RYR3: variants seen among roughly 807,000 people sequenced by gnomAD.
The protein encoded by RYR3 is ryanodine receptor 3.
A neutral mutation model predicts 584.3 loss-of-function variants in RYR3; 207 were observed. The ratio of observed to expected loss-of-function variants is 0.35; its 90% CI spans 0.32 to 0.40. The LOEUF (loss-of-function observed/expected upper bound fraction) is 0.40, where lower values mean the gene tolerates loss of function less well. RYR3 is among the 10% of genes least tolerant of loss of function. The pLI is 1.00. For synonymous variants in RYR3, 2,416 were observed against 2,248.5 expected, an observed-to-expected ratio of 1.07 and a Z score of -2.11; for missense variants, 5,616 against 6,089.2, an observed-to-expected ratio of 0.92 and a Z score of 2.59.
At chr15:33,619,887 G>A (rs993594016) in intron 19 of RYR3, among the ~76,000 whole-genome samples, 13 of 152,144 alleles carry the variant, frequency 8.5e-5, no homozygotes, top group African/African-American at 3.1e-4. Flanking sequence ...CAGTTGTACA[G>A]TTGCTGCCTC....
chr15:33,803,847 A>G (rs1191591720), intron 69 of RYR3, among the ~76,000 whole-genome samples: 1 of 152,236 alleles, frequency 6.6e-6, no homozygotes, highest in Non-Finnish European at 1.5e-5. Context: ...TCAATGGCTT[A>G]GGACTGAACC....
intron 69 of RYR3, 114 bp downstream of exon 69, chr15:33,802,075 A>G (rs759297049): frequency 6.3e-6 from 5 of 789,200 alleles, no homozygotes; most frequent in South Asian, 1.3e-5. Flanking sequence ...GTCAAACTAC[A>G]TGACCAACAG....
At chr15:33,714,691 A>G (rs1331544204) in intron 43 of RYR3, among the ~76,000 whole-genome samples, 2 of 152,240 alleles carry the variant, frequency 1.3e-5, no homozygotes, top group African/African-American at 2.4e-5. Context: ...AACTTAGTTT[A>G]AGGAACATAA....
Position 33,861,079 on chromosome 15 carries a change from C to G in RYR3, c.14366C>G (p.Thr4789Ser), listed in dbSNP as rs1317074809. The change falls in exon 102 of 104, where the codon ACT becomes AGT. Residue 4789 changes from threonine (T) to serine (S), a missense_variant and splice_region_variant. By Grantham distance (58) the Thr-to-Ser change is moderately conservative. Around this residue, in one of 9 missense-constraint regions of RYR3, gnomAD observed 918 missense variants for 887.4 expected, o/e 1.03. Coordinates refer to ENST00000634891, the MANE Select transcript of RYR3 (RefSeq NM_001036.6). ...TTTTCTGCCTGTTATTTTTCTTAGA[C>G]TAAATGTTTCATCTGTGGGATTGGC... ...QQEQVREDME[T>S]KCFICGIGND... is the part of the protein sequence containing the mutation. 1 of 1,580,448 alleles carries G rather than the reference C, an allele frequency of 6.3e-7. No homozygotes were observed. The highest frequency in any genetic ancestry group is 1.3e-5 in the African/African-American group (1 of 74,526).
At chr15:33,696,799 A>G (rs1269307627) in intron 39 of RYR3, among the ~76,000 whole-genome samples, 1 of 152,198 alleles carries the variant, frequency 6.6e-6, no homozygotes, top group Admixed American at 6.5e-5. Context: ...AACCCAAGAC[A>G]GAAATGATCT....
intron 31 of RYR3, among the ~76,000 whole-genome samples, chr15:33,650,860 T>A (rs2062425043): frequency 6.6e-6 from 1 of 152,252 alleles, no homozygotes; most frequent in African/African-American, 2.4e-5. Flanking sequence ...AGCTGTATAA[T>A]TATTATTCCC....
chr15:33,591,676 G>C (rs1471428977), intron 16 of RYR3, among the ~76,000 whole-genome samples: 1 of 152,096 alleles, frequency 6.6e-6, no homozygotes, highest in Non-Finnish European at 1.5e-5. Flanking sequence ...CTCCAAACCT[G>C]CTCAAAGTTG....
intron 53 of RYR3, 71 bp from the exon 54 acceptor site, chr15:33,748,043 C>CATGCG: frequency 6.8e-7 from 1 of 1,467,666 alleles, no homozygotes; most frequent in Non-Finnish European, 9.5e-7. Context: ...ATGCACCTTC[C>CATGCG]ATGCGGAGAT....
intron 69 of RYR3, among the ~76,000 whole-genome samples, chr15:33,804,495 T>C (rs952978457): frequency 4.6e-5 from 7 of 152,198 alleles, no homozygotes; most frequent in African/African-American, 1.4e-4. Flanking sequence ...ATCTGCAGAA[T>C]GGGATTGAGC....
At chr15:33,662,969 T>G in intron 35 of RYR3, 21 bp downstream of exon 35, 1 of 1,597,238 alleles carries the variant, frequency 6.3e-7, no homozygotes, top group Non-Finnish European at 8.5e-7. Context: ...GGTGGTTAAG[T>G]GGAGGCAGGT....
At chr15:33,777,370 C>T (rs1287758984) in intron 64 of RYR3, among the ~76,000 whole-genome samples, 2 of 152,272 alleles carry the variant, frequency 1.3e-5, no homozygotes, top group African/African-American at 4.8e-5. Context: ...CTAGCTCAAT[C>T]CCTCCTTGGG....
At chr15:33,644,577 T>G in intron 28 of RYR3, 58 bp downstream of exon 28, 1 of 1,350,522 alleles carries the variant, frequency 7.4e-7, no homozygotes, top group Non-Finnish European at 1.0e-6. Context: ...GCCCTAAGCT[T>G]GCCCTAAGTC....
intron 10 of RYR3, among the ~76,000 whole-genome samples, chr15:33,551,095 C>A (rs2056642222): frequency 6.6e-6 from 1 of 152,214 alleles, no homozygotes; most frequent in Non-Finnish European, 1.5e-5. Flanking sequence ...AGTGCTGGAT[C>A]TAGCTGAACG....
intron 18 of RYR3, among the ~76,000 whole-genome samples, chr15:33,604,101 G>A (rs746357831): frequency 1.2e-4 from 19 of 152,348 alleles, no homozygotes; most frequent in Non-Finnish European, 1.8e-4. Flanking sequence ...TGTCCAAAGC[G>A]TGTATTTTCT....
At chr15:33,529,178 G>A (rs1044374394) in intron 3 of RYR3, among the ~76,000 whole-genome samples, 5 of 152,206 alleles carry the variant, frequency 3.3e-5, no homozygotes, top group Admixed American at 2.0e-4. Flanking sequence ...GAAGAGCATT[G>A]TAATTCCACA....
Position 33,726,465 on chromosome 15 carries a change from G to A in RYR3, c.6992G>A (p.Gly2331Glu). The change falls in exon 46 of 104, where the codon GGG (glycine) becomes GAG (glutamate). Residue 2331 changes from glycine to glutamate, a missense_variant. By Grantham distance (98) the Gly-to-Glu change is moderately conservative. This residue lies in a region of RYR3 where 1,280 missense variants were observed against 1,426.2 expected (regional missense o/e 0.90). Transcript: ENST00000634891. ...CTGGTCCCCACAGAAGACCTGGTTG[G>A]GATCATCAGCATCCCCTTGAAACTG... The part of the protein sequence containing the change: ...RSLVPTEDLV[G>E]IISIPLKLPS... 6 of 1,606,832 alleles carry A rather than the reference G, an allele frequency of 3.7e-6. No individual in the cohort carries two copies. The highest frequency in any genetic ancestry group is 5.1e-6 in the Non-Finnish European group (6 of 1,176,576).
At chr15:33,846,452 T>A (rs543729072) in intron 93 of RYR3, among the ~76,000 whole-genome samples, 7 of 152,312 alleles carry the variant, frequency 4.6e-5, no homozygotes, top group Non-Finnish European at 1.0e-4. Flanking sequence ...CAAGTCCAGA[T>A]CTAGTTCTGC....
chr15:33,748,264 T>C lies in RYR3; in HGVS notation c.8136+4T>C, dbSNP rs375225412. On this transcript the variant is annotated splice_donor_region_variant and intron_variant, in intron 54 of 103. Coordinates refer to ENST00000634891, the MANE Select transcript of RYR3 (RefSeq NM_001036.6). ...AAGTGTGTCCCAGGCCAACCAGGTA[T>C]GACACCACACCCAGAGGCCCACGCT... The C allele has an allele frequency of 5.6e-6, 9 of 1,613,468 alleles. No homozygotes were observed. Among genetic ancestry groups the C allele is most frequent in the Non-Finnish European group, 7.6e-6 (9 of 1,179,768 alleles).
Position 33,748,130 on chromosome 15 carries a change from G to T in RYR3, c.8006G>T (p.Arg2669Leu). ...TLTEKEKEIY[R>L]WPARESLKTM... ...CTCTTCTAGGAGAAGGAAATTTATC[G>T]CTGGCCTGCGCGAGAGTCCCTGAAA... The change falls in exon 54 of 104, where the codon CGC (arginine) becomes CTC (leucine). Residue 2669 changes from arginine to leucine, a missense_variant. By Grantham distance (102) the Arg-to-Leu change is moderately radical (BLOSUM62 -2). Coordinates refer to ENST00000634891, the MANE Select transcript of RYR3 (RefSeq NM_001036.6). 1.2e-6 allele frequency: 2 copies of T among 1,613,738 alleles called. No homozygotes were observed. Among genetic ancestry groups the T allele is most frequent in the Non-Finnish European group, 1.7e-6 (2 of 1,179,826 alleles).
Sources: allele counts gnomAD v4.1 joint callset (sites outside exome capture counted in the v4.1 genomes callset), GRCh38; gene constraint gnomAD v4.1.1; regional missense constraint gnomAD v4.1.1; transcripts MANE v1.5; gene names NCBI Gene and HGNC (gene_info 2026-07-23, HGNC 2026-07-21).